SAMSN1: variants seen among roughly 807,000 people sequenced by gnomAD.
SAMSN1 encodes the protein SAM domain-containing protein SAMSN-1.
Under a neutral mutation model 42.0 loss-of-function variants are expected in SAMSN1, and 31 were observed. The observed-to-expected ratio is 0.74, with a 90% CI of 0.55 to 1.00. SAMSN1 has a LOEUF of 1.00. SAMSN1 is among the 50% of genes least tolerant of loss of function. The probability of loss-of-function intolerance (pLI) is 0.00; values close to 1 mark genes in which losing one functional copy is unlikely to be tolerated. For missense variants in SAMSN1, 464 were observed against 439.4 expected (o/e 1.06, Z -0.50); for synonymous variants, 178 against 151.9 (o/e 1.17, Z -1.26).
At chr21:14,497,101 T>C (rs1986942106) in intron 7 of SAMSN1, among the ~76,000 whole-genome samples, 1 of 152,036 alleles carries the variant, frequency 6.6e-6, no homozygotes, top group African/African-American at 2.4e-5. Flanking sequence ...ATACATTGGG[T>C]TGGAATCCTA....
upstream of SAMSN1, among the ~76,000 whole-genome samples, chr21:14,586,207 G>T (rs1981910617): frequency 7.6e-6 from 1 of 132,448 alleles, no homozygotes; most frequent in South Asian, 2.3e-4. Flanking sequence ...AGATTGCAGT[G>T]AGCCGAGATC....
chr21:14,613,095 A>C (rs1377991402), intron 3 of SAMSN1, among the ~76,000 whole-genome samples: 5 of 152,198 alleles, frequency 3.3e-5, no homozygotes, highest in African/African-American at 1.2e-4. Context: ...ATACAAGTAC[A>C]ATTTGGGTCT....
At chr21:14,648,179 G>A (rs1427168512) in intron 1 of SAMSN1, among the ~76,000 whole-genome samples, 5 of 152,018 alleles carry the variant, frequency 3.3e-5, no homozygotes, top group Non-Finnish European at 5.9e-5. Flanking sequence ...CTAATTTATT[G>A]AGAGTTTTTA....
chr21:14,597,182 T>C (rs1447839897), intron 6 of SAMSN1, among the ~76,000 whole-genome samples: 5 of 152,098 alleles, frequency 3.3e-5, no homozygotes, highest in Admixed American at 6.6e-5. Context: ...CTCAAATCTG[T>C]CTGATAAAAC....
At chr21:14,515,195 C>T (rs867713187) in intron 3 of SAMSN1, among the ~76,000 whole-genome samples, 14 of 152,122 alleles carry the variant, frequency 9.2e-5, no homozygotes, top group African/African-American at 2.7e-4. Flanking sequence ...TCACTACTGA[C>T]GGCGACAGCT....
chr21:14,536,436 A>G (rs1480403574), intron 1 of SAMSN1, among the ~76,000 whole-genome samples: 6 of 152,208 alleles, frequency 3.9e-5, no homozygotes, highest in Admixed American at 2.0e-4. Flanking sequence ...CACTTCTGTC[A>G]TTTCTCTAGC....
At chr21:14,515,729 T>C (rs1259459247) in intron 3 of SAMSN1, among the ~76,000 whole-genome samples, 1 of 152,182 alleles carries the variant, frequency 6.6e-6, no homozygotes, top group Non-Finnish European at 1.5e-5. Context: ...AAATATATTA[T>C]ATTGCATGTC....
chr21:14,598,145 C>T (rs1388643354), intron 6 of SAMSN1: 1 of 152,106 alleles, frequency 6.6e-6, no homozygotes, highest in Non-Finnish European at 1.5e-5. Flanking sequence ...TGTTTTGGTT[C>T]AGTCCTGGGT....
At chr21:14,507,689 G>GA (rs1489602469) in intron 5 of SAMSN1, among the ~76,000 whole-genome samples, 2 of 151,980 alleles carry the variant, frequency 1.3e-5, no homozygotes, top group Non-Finnish European at 2.9e-5. Context: ...CACAGAATTA[G>GA]AAAAAACAAT....
In SAMSN1 at chr21:14,525,863, T is replaced by C. The variant is rs148647273; in HGVS notation, c.58-4642A>G. Among the ~76,000 whole-genome samples the C allele has an allele frequency of 4.7e-3, 714 of 152,302 alleles. 3 individuals carry two copies. The highest frequency in any genetic ancestry group is 0.016 in the African/African-American group (649 of 41,558). ...AAAAGTTAGTGGTCTCATAACTTTA[T>C]TTATTTATTTACTTATTTTGAGACC... On this transcript the variant is annotated intron_variant, in intron 1 of 7. Coordinates refer to ENST00000400566, the MANE Select transcript of SAMSN1 (RefSeq NM_022136.5).
chr21:14,577,257 TATATATATATATATATATATATATA>T lies in SAMSN1; in HGVS notation c.261+4854_261+4878del, dbSNP rs1210875877. Among the ~76,000 whole-genome samples the T allele has an allele frequency of 4.9e-4, 21 of 42,960 alleles. 1 individual carries two copies. In the South Asian group the frequency reaches 7.7e-3, roughly 16 times the overall value. 28.2% of individuals were successfully genotyped at this position (42,960 alleles called of 152,430 possible). A position where few individuals can be genotyped will look rare whatever the true frequency, so the allele number is the denominator to read the frequency against. ...ATGTGTGTATATATATATATATATA[TATATATATATATATATATATATATA>T]TATTTTTTTTTTAGAAGAGACAGGG... On this transcript the variant is annotated intron_variant, in intron 2 of 8. Transcript: ENST00000285670.
chr21:14,586,950 C>T (rs1981937908), upstream of SAMSN1, among the ~76,000 whole-genome samples: 1 of 152,028 alleles, frequency 6.6e-6, no homozygotes, highest in Non-Finnish European at 1.5e-5. Context: ...TAGTATGTGC[C>T]CATGAAGGGA....
At chr21:14,537,246 G>A (rs1367607832) in intron 1 of SAMSN1, among the ~76,000 whole-genome samples, 3 of 152,048 alleles carry the variant, frequency 2.0e-5, no homozygotes, top group Non-Finnish European at 4.4e-5. Context: ...TCTTCCCTCT[G>A]CCCAGAGTAC....
intron 4 of SAMSN1, among the ~76,000 whole-genome samples, chr21:14,511,514 A>G (rs1340486752): frequency 6.6e-6 from 1 of 152,270 alleles, no homozygotes; most frequent in Admixed American, 6.5e-5. Context: ...TTGTCACAAA[A>G]TAACTATTCT....
chr21:14,596,674 G>C (rs751781043), intron 6 of SAMSN1, among the ~76,000 whole-genome samples: 3 of 152,162 alleles, frequency 2.0e-5, no homozygotes, highest in Non-Finnish European at 2.9e-5. Context: ...CTCATGGATA[G>C]ACCAAAGTGG....
At chr21:14,621,052 T>C (rs190243250) in intron 2 of SAMSN1, among the ~76,000 whole-genome samples, 166 of 152,368 alleles carry the variant, frequency 1.1e-3, no homozygotes, top group Admixed American at 1.9e-3. Context: ...TGGATATTTC[T>C]TGGCTTCCTA....
chr21:14,493,802 G>A (rs1986796819), intron 7 of SAMSN1, among the ~76,000 whole-genome samples: 1 of 152,092 alleles, frequency 6.6e-6, no homozygotes, highest in Non-Finnish European at 1.5e-5. Flanking sequence ...ATTCCCAGTT[G>A]AGGGAACCGA....
At chr21:14,578,519 C>G (rs982985543) in intron 2 of SAMSN1, among the ~76,000 whole-genome samples, 1 of 151,744 alleles carries the variant, frequency 6.6e-6, no homozygotes, top group African/African-American at 2.4e-5. Context: ...CCCATCTCTA[C>G]TAAAAATACA....
intron 5 of SAMSN1, among the ~76,000 whole-genome samples, chr21:14,500,962 C>T (rs556603857): frequency 2.0e-5 from 3 of 152,142 alleles, no homozygotes; most frequent in African/African-American, 4.8e-5. Flanking sequence ...TTGCATGAGG[C>T]CAGGAGTTTG....
Sources: allele counts gnomAD v4.1 joint callset (sites outside exome capture counted in the v4.1 genomes callset), GRCh38; gene constraint gnomAD v4.1.1; transcripts MANE v1.5; gene names NCBI Gene and HGNC (gene_info 2026-07-23, HGNC 2026-07-21).